Variants in SLC2A13 observed in about 807,000 individuals in gnomAD.
SLC2A13 encodes proton myo-inositol cotransporter.
A neutral mutation model predicts 64.4 loss-of-function variants in SLC2A13; 32 were observed. The observed-to-expected ratio is 0.50, with a 90% CI of 0.37 to 0.67. The LOEUF is 0.67. SLC2A13 is among the 30% of genes least tolerant of loss of function. The pLI, the probability that SLC2A13 is intolerant of heterozygous loss-of-function variation, is 0.00. For synonymous variants in SLC2A13, 338 were observed against 327.1 expected, an observed-to-expected ratio of 1.03 and a Z score of -0.36; for missense variants, 743 against 829.2, an observed-to-expected ratio of 0.90 and a Z score of 1.28.
chr12:39,981,477 AAAATGAT>A (rs1946896307), intron 3 of SLC2A13, among the ~76,000 whole-genome samples: 1 of 151,394 alleles, frequency 6.6e-6, no homozygotes, highest in Non-Finnish European at 1.5e-5. Context: ...GACACAATAA[AAAATGAT>A]AAAGGGGATA....
At chr12:39,809,429 T>TAAA in intron 7 of SLC2A13, among the ~76,000 whole-genome samples, 1 of 152,334 alleles carries the variant, frequency 6.6e-6, no homozygotes, top group Middle Eastern at 3.4e-3. Context: ...TCATTTTTTA[T>TAAA]AGAACTGTTT....
At chr12:39,846,539 C>T (rs1396267395) in intron 6 of SLC2A13, among the ~76,000 whole-genome samples, 1 of 152,156 alleles carries the variant, frequency 6.6e-6, no homozygotes, top group African/African-American at 2.4e-5. Context: ...TCAACTTCTG[C>T]CTTCCAGGCT....
chr12:39,915,443 C>T (rs1283018142), intron 4 of SLC2A13, among the ~76,000 whole-genome samples: 1 of 151,958 alleles, frequency 6.6e-6, no homozygotes, highest in African/African-American at 2.4e-5. Context: ...TAGAAACACC[C>T]TCAGCAGGAG....
At chr12:39,784,301 A>G (rs1421931593) in intron 7 of SLC2A13, among the ~76,000 whole-genome samples, 2 of 152,208 alleles carry the variant, frequency 1.3e-5, no homozygotes, top group African/African-American at 4.8e-5. Flanking sequence ...AGCTGGAGGC[A>G]TCACGCTACC....
At chr12:39,817,830 C>T (rs568234387) in intron 7 of SLC2A13, among the ~76,000 whole-genome samples, 161 of 152,208 alleles carry the variant, frequency 1.1e-3, no homozygotes, top group Non-Finnish European at 1.9e-3. Flanking sequence ...ACTTCAAAGA[C>T]GGTTCCTTGA....
At chr12:39,944,991 G>A (rs1259265988) in intron 4 of SLC2A13, among the ~76,000 whole-genome samples, 1 of 152,080 alleles carries the variant, frequency 6.6e-6, no homozygotes, top group African/African-American at 2.4e-5. Flanking sequence ...TCTGTTTTGA[G>A]GTGTTTCCAG....
chr12:39,984,489 T>A (rs1188562220), intron 3 of SLC2A13, among the ~76,000 whole-genome samples: 1 of 152,172 alleles, frequency 6.6e-6, no homozygotes, highest in Non-Finnish European at 1.5e-5. Flanking sequence ...TGTAAATTCC[T>A]GGTACCAAAA....
At chr12:40,073,736 G>GA (rs1408720000) in intron 1 of SLC2A13, among the ~76,000 whole-genome samples, 1 of 151,560 alleles carries the variant, frequency 6.6e-6, no homozygotes, top group African/African-American at 2.4e-5. Context: ...CTGTTCCTGA[G>GA]AAAAAGGTAT....
At chr12:39,777,149 T>C (rs753062820) in intron 7 of SLC2A13, among the ~76,000 whole-genome samples, 1 of 152,230 alleles carries the variant, frequency 6.6e-6, no homozygotes, top group Non-Finnish European at 1.5e-5. Flanking sequence ...ATTGTACTTA[T>C]GGTTCACTTT....
Position 39,780,853 on chromosome 12 carries a change from A to T in SLC2A13, c.1446-15995T>A, listed in dbSNP as rs563780617. 2.6e-4 allele frequency among the ~76,000 whole-genome samples: 40 copies of T among 152,316 alleles called. No homozygotes were observed. The East Asian group carries it at 7.5e-3, about 29-fold the overall frequency. On this transcript the variant is annotated intron_variant, in intron 7 of 9. Coordinates refer to ENST00000280871, the MANE Select transcript of SLC2A13 (RefSeq NM_052885.4). ...AGGAACTAAAAGAAATTTTTTAAAA[A>T]AACTTCCCCTAGAAGCTGCTTAGAG... is the stretch of plus-strand genomic sequence containing the variant.
At chr12:39,855,501 A>G (rs962894915) in intron 6 of SLC2A13, among the ~76,000 whole-genome samples, 1 of 152,158 alleles carries the variant, frequency 6.6e-6, no homozygotes, top group Non-Finnish European at 1.5e-5. Context: ...ATCAGCCTTC[A>G]TTACACTGTT....
intron 7 of SLC2A13, among the ~76,000 whole-genome samples, chr12:39,776,845 G>A (rs1410904541): frequency 6.6e-6 from 1 of 152,162 alleles, no homozygotes; most frequent in Admixed American, 6.5e-5. Flanking sequence ...ACAAAGTGAT[G>A]GCTAGGTTCT....
chr12:39,770,033 T>C (rs1231602689), intron 7 of SLC2A13, among the ~76,000 whole-genome samples: 1 of 152,098 alleles, frequency 6.6e-6, no homozygotes, highest in East Asian at 1.9e-4. Context: ...TTCTCTTCCC[T>C]CTTTGCTTTT....
chr12:40,090,938 A>G (rs1353814168), intron 1 of SLC2A13, among the ~76,000 whole-genome samples: 2 of 152,206 alleles, frequency 1.3e-5, no homozygotes, highest in South Asian at 2.1e-4. Flanking sequence ...ACAATCATGC[A>G]TTGCTTAGCC....
At chr12:39,866,653 G>C (rs1305034270) in intron 5 of SLC2A13, among the ~76,000 whole-genome samples, 1 of 152,052 alleles carries the variant, frequency 6.6e-6, no homozygotes, top group Admixed American at 6.5e-5. Flanking sequence ...CTAATTTTTT[G>C]TATTTTTAGT....
intron 3 of SLC2A13, among the ~76,000 whole-genome samples, chr12:39,977,906 C>A (rs978683325): frequency 6.6e-5 from 10 of 152,206 alleles, no homozygotes; most frequent in Non-Finnish European, 1.5e-4. Flanking sequence ...AGAGATGCCT[C>A]CCCTAAATGC....
intron 9 of SLC2A13, among the ~76,000 whole-genome samples, chr12:39,763,735 T>C (rs956560950): frequency 2.6e-5 from 4 of 152,142 alleles, no homozygotes; most frequent in African/African-American, 9.6e-5. Context: ...TACTTCATCA[T>C]GAATAATCCT....
chr12:39,879,680 A>T (rs1455317945), intron 4 of SLC2A13, among the ~76,000 whole-genome samples: 1 of 152,170 alleles, frequency 6.6e-6, no homozygotes, highest in African/African-American at 2.4e-5. Flanking sequence ...CTTGGAAGTA[A>T]CTAACTTGAT....
intron 4 of SLC2A13, among the ~76,000 whole-genome samples, chr12:39,885,770 T>C (rs1944450983): frequency 6.6e-6 from 1 of 152,182 alleles, no homozygotes; most frequent in Non-Finnish European, 1.5e-5. Flanking sequence ...AAACTTTAGT[T>C]TGAATTAGAA....
Sources: allele counts gnomAD v4.1 joint callset (sites outside exome capture counted in the v4.1 genomes callset), GRCh38; gene constraint gnomAD v4.1.1; transcripts MANE v1.5; gene names NCBI Gene and HGNC (gene_info 2026-07-23, HGNC 2026-07-21).